USH2A: variants seen among roughly 807,000 people sequenced by gnomAD.
The protein encoded by USH2A is Usher syndrome 2A (autosomal recessive, mild).
Under a neutral mutation model 538.9 loss-of-function variants are expected in USH2A, and 443 were observed. The ratio of observed to expected loss-of-function variants is 0.82; its 90% confidence interval spans 0.76 to 0.89. The LOEUF (loss-of-function observed/expected upper bound fraction) is 0.89. Ranked by LOEUF, USH2A falls within the 40% of genes least tolerant of loss-of-function variation. The pLI, the probability that USH2A is intolerant of heterozygous loss-of-function variation, is 0.00. For missense variants in USH2A, 6,633 were observed against 6,324.8 expected (o/e 1.05, Z -1.65); for synonymous variants, 2,413 against 2,273.5 (o/e 1.06, Z -1.75).
intron 37 of USH2A, among the ~76,000 whole-genome samples, chr1:215,935,629 C>T (rs1050873588): frequency 4.6e-5 from 7 of 151,902 alleles, no homozygotes; most frequent in African/African-American, 1.7e-4. Flanking sequence ...CTCTCTCTTA[C>T]ACCATTAGGT....
intron 37 of USH2A, among the ~76,000 whole-genome samples, chr1:215,964,315 G>A (rs1196913787): frequency 6.6e-6 from 1 of 152,112 alleles, no homozygotes; most frequent in Non-Finnish European, 1.5e-5. Flanking sequence ...GCATAAAAAA[G>A]GGACACACCA....
Position 216,378,878 on chromosome 1 carries a change from T to C in USH2A, c.652-13793A>G, listed in dbSNP as rs563272715. ...TTTTATAATTTTTTTTCTCCATCTG[T>C]TTTCATTTTCTGAAACTTTTTGTAG... On this transcript the variant is annotated intron_variant, in intron 3 of 71. Coordinates refer to ENST00000307340, the MANE Select transcript of USH2A (RefSeq NM_206933.4). Among the ~76,000 whole-genome samples the C allele has an allele frequency of 2.6e-4, 39 of 152,328 alleles. 1 individual carries two copies. The East Asian group carries it at 7.5e-3, about 29-fold the overall frequency.
At chr1:216,084,276 C>T (rs189626076) in intron 25 of USH2A, among the ~76,000 whole-genome samples, 10 of 152,172 alleles carry the variant, frequency 6.6e-5, no homozygotes, top group Admixed American at 4.6e-4. Context: ...ATTACCTAGC[C>T]GAGAATTAAC....
At chr1:215,667,218 A>G (rs180691305) in intron 64 of USH2A, among the ~76,000 whole-genome samples, 16 of 152,294 alleles carry the variant, frequency 1.1e-4, no homozygotes, top group African/African-American at 3.6e-4. Flanking sequence ...AGGGCATTCC[A>G]TATTGAAGTA....
intron 21 of USH2A, among the ~76,000 whole-genome samples, chr1:216,135,917 C>A (rs74468283): frequency 6.6e-6 from 1 of 151,898 alleles, no homozygotes; most frequent in Non-Finnish European, 1.5e-5. Flanking sequence ...CTTCCATTAA[C>A]GGTTAGCTTT....
intron 37 of USH2A, among the ~76,000 whole-genome samples, chr1:215,956,809 GT>G: frequency 6.6e-6 from 1 of 152,238 alleles, no homozygotes; most frequent in Non-Finnish European, 1.5e-5. Flanking sequence ...TCTTAAACAA[GT>G]TTGATAAATT....
intron 48 of USH2A, among the ~76,000 whole-genome samples, chr1:215,816,557 G>A (rs1416116240): frequency 5.9e-5 from 9 of 152,018 alleles, no homozygotes; most frequent in Non-Finnish European, 2.9e-5. Flanking sequence ...TCCTCTGTCT[G>A]GCTGTATTAT....
At chr1:216,296,883 G>T (rs921132949) in intron 9 of USH2A, among the ~76,000 whole-genome samples, 1 of 151,824 alleles carries the variant, frequency 6.6e-6, no homozygotes, top group African/African-American at 2.4e-5. Flanking sequence ...AGAGATTTAG[G>T]TACAGGCTGG....
At chr1:216,265,803 G>T (rs558459033) in intron 11 of USH2A, among the ~76,000 whole-genome samples, 1 of 152,022 alleles carries the variant, frequency 6.6e-6, no homozygotes, top group East Asian at 1.9e-4. Flanking sequence ...GGCACAGAAA[G>T]ATAAATATTA....
intron 67 of USH2A, among the ~76,000 whole-genome samples, chr1:215,641,035 A>T (rs1202255355): frequency 6.6e-6 from 1 of 152,164 alleles, no homozygotes; most frequent in Admixed American, 6.5e-5. Flanking sequence ...AACTATTAAC[A>T]TACAATGGAT....
In USH2A at chr1:216,367,363, A is replaced by T. The variant is rs141902514; in HGVS notation, c.652-2278T>A. On this transcript the variant is annotated intron_variant, in intron 3 of 71. Transcript: ENST00000307340. The stretch of plus-strand genomic sequence containing the variant: ...TGGTCTAATAAAGGTAATAATTCTT[A>T]GGCTTTCTTTATAGCAGGTAACACT... Among the ~76,000 whole-genome samples the T allele has an allele frequency of 4.9e-3, 743 of 152,322 alleles. 7 individuals carry two copies. The highest frequency in any genetic ancestry group is 0.017 in the African/African-American group (704 of 41,574).
intron 11 of USH2A, among the ~76,000 whole-genome samples, chr1:216,253,996 T>C (rs1192872898): frequency 6.6e-6 from 1 of 152,160 alleles, no homozygotes; most frequent in Non-Finnish European, 1.5e-5. Context: ...CATGGTCACT[T>C]TTTCACAGAC....
Position 215,834,546 on chromosome 1 carries a change from G to A in USH2A, c.9371+3445C>T, listed in dbSNP as rs148480676. On this transcript the variant is annotated intron_variant, in intron 47 of 71. Coordinates refer to ENST00000307340, the MANE Select transcript of USH2A (RefSeq NM_206933.4). The stretch of plus-strand genomic sequence containing the variant: ...CTTAGTTTTAGGAAGGGTAGAAGAG[G>A]GGTTAGCAATAATGGAGACCGACAT... Among the ~76,000 whole-genome samples the A allele has an allele frequency of 1.8e-4, 27 of 152,208 alleles. No homozygotes were observed. In the East Asian group the frequency reaches 5.2e-3, roughly 29 times the overall value.
chr1:216,019,042 T>G (rs1668783687), intron 32 of USH2A, among the ~76,000 whole-genome samples: 1 of 152,226 alleles, frequency 6.6e-6, no homozygotes, highest in Admixed American at 6.5e-5. Context: ...GTTTTATCAT[T>G]TCAATAATGG....
rs142255865 is a variant in USH2A at position 216,325,685 on chromosome 1, G to A, written c.849-86C>T. Reference sequence around the variant, plus strand: ...GAGTCGTTACAAATGAATGTCACTCGTTTAGTGCTTTCATGAGTATCCATT... The same window carrying A: ...GAGTCGTTACAAATGAATGTCACTCATTTAGTGCTTTCATGAGTATCCATT... On this transcript the variant is annotated intron_variant, in intron 5 of 71. Transcript: ENST00000307340. 172 of 1,309,134 alleles carry A rather than the reference G, an allele frequency of 1.3e-4. No individual in the cohort carries two copies. In the African/African-American group the frequency reaches 2.0e-3, roughly 15 times the overall value. 81.1% of individuals were successfully genotyped at this position (1,309,134 alleles called of 1,614,324 possible). A position where few individuals can be genotyped will look rare whatever the true frequency, so the allele number is the denominator to read the frequency against.
At chr1:216,147,598 G>A (rs1197433877) in intron 21 of USH2A, among the ~76,000 whole-genome samples, 2 of 151,384 alleles carry the variant, frequency 1.3e-5, no homozygotes, top group East Asian at 3.9e-4. Flanking sequence ...ATCTGCTCCC[G>A]ACATTAAATA....
Position 215,790,068 on chromosome 1 carries a change from C to T in USH2A, c.10173G>A (p.Met3391Ile). 1 of 1,613,386 alleles carries T rather than the reference C, an allele frequency of 6.2e-7. No individual in the cohort carries two copies. The highest frequency in any genetic ancestry group is 8.5e-7 in the Non-Finnish European group (1 of 1,179,932). The change falls in exon 51 of 72, where the codon ATG (methionine) becomes ATA (isoleucine). Residue 3391 changes from methionine (M) to isoleucine (I), a missense_variant. By Grantham distance (10) the Met-to-Ile change is conservative (BLOSUM62 1). Coordinates refer to ENST00000307340, the MANE Select transcript of USH2A (RefSeq NM_206933.4). ...YVCSDKISTGMMMKETKECRI... is the reference protein window; with the variant it reads ...YVCSDKISTGIMMKETKECRI... ...CTTTTCTATCAATTACCTTCATCATCATTCCAGTTGAAATCTTGTCAGAGC... is the reference window on the plus strand; with the variant it reads ...CTTTTCTATCAATTACCTTCATCATTATTCCAGTTGAAATCTTGTCAGAGC...
intron 3 of USH2A, among the ~76,000 whole-genome samples, chr1:216,382,081 A>G: frequency 6.6e-6 from 1 of 152,226 alleles, no homozygotes. Context: ...CACTCATTCA[A>G]TCAAACTTTG....
At chr1:216,059,500 A>C (rs1384851755) in intron 30 of USH2A, among the ~76,000 whole-genome samples, 3 of 152,188 alleles carry the variant, frequency 2.0e-5, no homozygotes, top group Admixed American at 2.0e-4. Context: ...AGATGTTGAC[A>C]TTTTCCATAC....
Sources: gnomAD v4.1 joint callset for allele counts (sites outside exome capture counted in the v4.1 genomes callset) on GRCh38, gnomAD v4.1.1 for gene constraint, MANE v1.5 for transcripts, NCBI Gene and HGNC (gene_info 2026-07-23, HGNC 2026-07-21) for gene names.